SAMSN1: variants seen among roughly 807,000 people sequenced by gnomAD.
SAMSN1 encodes the protein SAM domain, SH3 domain and nuclear localization signals 1.
Under a neutral mutation model 42.0 loss-of-function variants are expected in SAMSN1, and 31 were observed. The ratio of observed to expected loss-of-function variants is 0.74; its 90% confidence interval spans 0.55 to 1.00. The LOEUF (loss-of-function observed/expected upper bound fraction) is 1.00, where lower values mean the gene tolerates loss of function less well. Ranked by LOEUF, SAMSN1 falls within the 50% of genes least tolerant of loss-of-function variation. The probability of loss-of-function intolerance (pLI) is 0.00; values close to 1 mark genes in which losing one functional copy is unlikely to be tolerated. For missense variants in SAMSN1, 464 were observed against 439.4 expected, an observed-to-expected ratio of 1.06 and a Z score of -0.50; for synonymous variants, 178 against 151.9, an observed-to-expected ratio of 1.17 and a Z score of -1.26.
At chr21:14,487,209 A>C (rs1043731100) in intron 7 of SAMSN1, among the ~76,000 whole-genome samples, 1 of 152,196 alleles carries the variant, frequency 6.6e-6, no homozygotes, top group Non-Finnish European at 1.5e-5. Flanking sequence ...TTTGCACTTC[A>C]TCCCATTCCA....
intron 3 of SAMSN1, 121 bp downstream of exon 3, chr21:14,516,771 G>A (rs1415391591): frequency 1.3e-6 from 1 of 763,800 alleles, no homozygotes; most frequent in African/African-American, 1.8e-5. Flanking sequence ...TGGGCATAAT[G>A]ACTGAGGAAG....
chr21:14,535,519 G>A (rs1979550293), intron 1 of SAMSN1, among the ~76,000 whole-genome samples: 1 of 152,156 alleles, frequency 6.6e-6, no homozygotes, highest in South Asian at 2.1e-4. Context: ...ACTATGTTAT[G>A]AGCTGAATTG....
intron 2 of SAMSN1, among the ~76,000 whole-genome samples, chr21:14,638,972 A>G (rs1983531715): frequency 6.6e-6 from 1 of 152,198 alleles, no homozygotes; most frequent in Non-Finnish European, 1.5e-5. Flanking sequence ...CCATTTATTT[A>G]GCTGACAAAT....
intron 5 of SAMSN1, among the ~76,000 whole-genome samples, chr21:14,504,332 G>T (rs535008933): frequency 6.6e-6 from 1 of 152,100 alleles, no homozygotes; most frequent in Admixed American, 6.6e-5. Context: ...AAGGTGAAGC[G>T]CAAGGTAAGG....
chr21:14,547,881 C>T (rs1313847627), upstream of SAMSN1, among the ~76,000 whole-genome samples: 2 of 151,978 alleles, frequency 1.3e-5, no homozygotes, highest in Non-Finnish European at 2.9e-5. Context: ...GGTTAATATG[C>T]CTATTATTTT....
chr21:14,579,446 T>C (rs1981624559), intron 2 of SAMSN1, among the ~76,000 whole-genome samples: 1 of 152,160 alleles, frequency 6.6e-6, no homozygotes, highest in Admixed American at 6.6e-5. Context: ...AAATAATTTA[T>C]CTATAACTGG....
chr21:14,502,103 G>A (rs1987186441), intron 5 of SAMSN1, among the ~76,000 whole-genome samples: 2 of 152,112 alleles, frequency 1.3e-5, no homozygotes, highest in Admixed American at 6.5e-5. Context: ...TAAGCATCAA[G>A]CCTGCTACTA....
chr21:14,641,103 G>T (rs1983587339), intron 2 of SAMSN1, among the ~76,000 whole-genome samples: 1 of 151,944 alleles, frequency 6.6e-6, no homozygotes, highest in Non-Finnish European at 1.5e-5. Flanking sequence ...TGAACAATTT[G>T]CATTGTCAAT....
intron 6 of SAMSN1, among the ~76,000 whole-genome samples, chr21:14,600,089 G>T (rs973563866): frequency 6.6e-6 from 1 of 152,084 alleles, no homozygotes; most frequent in Non-Finnish European, 1.5e-5. Context: ...GATACAGACA[G>T]TTCTCAGATA....
chr21:14,622,900 C>A (rs893448027), intron 2 of SAMSN1, among the ~76,000 whole-genome samples: 2 of 152,194 alleles, frequency 1.3e-5, no homozygotes, highest in Non-Finnish European at 2.9e-5. Flanking sequence ...AAGGGAAGCC[C>A]ATCTGACTAA....
At chr21:14,583,146 G>A (rs1981806283) in intron 1 of SAMSN1, among the ~76,000 whole-genome samples, 1 of 152,138 alleles carries the variant, frequency 6.6e-6, no homozygotes, top group South Asian at 2.1e-4. Context: ...TTCTAGTAAT[G>A]TAGAAAACAG....
rs985716497 is a variant in SAMSN1, at chr21:14,582,202, G to T, written c.195C>A (p.Cys65Ter). 4 of 1,550,530 alleles carry T rather than the reference G, an allele frequency of 2.6e-6. No homozygotes were observed. In the African/African-American group the frequency reaches 5.5e-5, roughly 21 times the overall value. ...GACGTGTGTGGCGAATACAAGAGGA[G>T]CAGTGGTCCCAGGGTCCAACTTGTG... is the stretch of plus-strand genomic sequence containing the variant. Residue 65 changes from cysteine (C) to a stop codon, truncating the protein, a stop_gained, in exon 2 of 9, where the codon TGC becomes TGA. Coordinates refer to the SAMSN1 transcript ENST00000285670. LOFTEE classifies it high-confidence loss of function.
At chr21:14,553,717 G>A (rs1369830996) in intron 2 of SAMSN1, among the ~76,000 whole-genome samples, 1 of 152,106 alleles carries the variant, frequency 6.6e-6, no homozygotes, top group Non-Finnish European at 1.5e-5. Flanking sequence ...ATATTTAGAA[G>A]GCTTCTCCAA....
intron 2 of SAMSN1, among the ~76,000 whole-genome samples, chr21:14,622,113 A>T (rs1212050427): frequency 6.6e-6 from 1 of 152,196 alleles, no homozygotes; most frequent in Non-Finnish European, 1.5e-5. Flanking sequence ...CCACACCAAA[A>T]CCCCATCTGT....
chr21:14,539,255 C>T (rs1176002959), intron 1 of SAMSN1, among the ~76,000 whole-genome samples: 1 of 152,188 alleles, frequency 6.6e-6, no homozygotes, highest in Non-Finnish European at 1.5e-5. Flanking sequence ...CCCTCTCTCA[C>T]CACTCCTATT....
At chr21:14,533,266 T>C (rs998877823) in intron 1 of SAMSN1, among the ~76,000 whole-genome samples, 4 of 152,002 alleles carry the variant, frequency 2.6e-5, no homozygotes, top group African/African-American at 9.7e-5. Flanking sequence ...CCACGTAAAG[T>C]ATTCAGGGGA....
rs564051736 is a variant in SAMSN1, at chr21:14,613,138, T to C, written c.198-225A>G. 1.6e-4 allele frequency among the ~76,000 whole-genome samples: 25 copies of C among 152,264 alleles called. 1 individual carries two copies. In the East Asian group the frequency reaches 4.6e-3, roughly 28 times the overall value. On this transcript the variant is annotated intron_variant, in intron 3 of 15. Transcript: ENST00000647101. ...TCTATGCAATATGGAGAAACTGATA[T>C]TCATAAGACCTGAAAAAAATAGTAA...
chr21:14,525,533 C>A (rs1415471411), intron 1 of SAMSN1, among the ~76,000 whole-genome samples: 1 of 152,072 alleles, frequency 6.6e-6, no homozygotes, highest in African/African-American at 2.4e-5. Flanking sequence ...AAATATAGAT[C>A]AAATAAACCA....
rs765998961 is a variant in SAMSN1 at position 14,601,928 on chromosome 21, G to T, written c.399+95C>A. ...TAACTAAATAGAAACTAGCTAAAAGGCTGTGTAAGTATTGTACACTATGCC... is the reference window on the plus strand; with the variant it reads ...TAACTAAATAGAAACTAGCTAAAAGTCTGTGTAAGTATTGTACACTATGCC... On this transcript the variant is annotated intron_variant, in intron 6 of 15. Coordinates refer to the SAMSN1 transcript ENST00000647101. 16 of 434,430 alleles carry T rather than the reference G, an allele frequency of 3.7e-5. No individual in the cohort carries two copies. The South Asian group carries it at 9.8e-4, about 27-fold the overall frequency. The allele number at this position is 434,430 out of a possible 1,614,324, so 26.9% of individuals were successfully genotyped here.
Sources: gnomAD v4.1 joint callset for allele counts (sites outside exome capture counted in the v4.1 genomes callset) on GRCh38, gnomAD v4.1.1 for gene constraint, MANE v1.5 for transcripts, NCBI Gene and HGNC (gene_info 2026-07-23, HGNC 2026-07-21) for gene names.